SLCO1A2: variants seen among roughly 807,000 people sequenced by gnomAD.
SLCO1A2 encodes the protein OATP-1.
A neutral mutation model predicts 69.0 loss-of-function variants in SLCO1A2; 67 were observed. The observed-to-expected ratio is 0.97, with a 90% CI of 0.80 to 1.19. The LOEUF (loss-of-function observed/expected upper bound fraction) is 1.19. Among genes scored for constraint, SLCO1A2 ranks in the 50% most tolerant of loss-of-function variants. SLCO1A2 has a pLI of 0.00. For synonymous variants in SLCO1A2, 260 were observed against 265.9 expected (o/e 0.98, Z 0.22); for missense variants, 787 against 793.7 (o/e 0.99, Z 0.10).
At chr12:21,378,543 T>A in intron 1 of SLCO1A2, 1 of 832,452 alleles carries the variant, frequency 1.2e-6, no homozygotes, top group Non-Finnish European at 2.0e-6. Flanking sequence ...TGTTTGTTGC[T>A]AGGACATATA....
chr12:21,386,544 A>G (rs1266259743), intron 1 of SLCO1A2, among the ~76,000 whole-genome samples: 1 of 151,928 alleles, frequency 6.6e-6, no homozygotes, highest in Non-Finnish European at 1.5e-5. Flanking sequence ...ATTACCCTGC[A>G]CTTCTCTCTT....
At chr12:21,331,177 T>A (rs940355233) in intron 2 of SLCO1A2, among the ~76,000 whole-genome samples, 4 of 152,074 alleles carry the variant, frequency 2.6e-5, no homozygotes. Flanking sequence ...CCATGACTCT[T>A]GAAACTCCAC....
At chr12:21,298,527 A>G (rs1435239797) in intron 8 of SLCO1A2, among the ~76,000 whole-genome samples, 2 of 152,186 alleles carry the variant, frequency 1.3e-5, no homozygotes, top group African/African-American at 4.8e-5. Context: ...CAAAATTTCA[A>G]TAAATAAACA....
At position 21,289,184 on chromosome 12, in the gene SLCO1A2, C is replaced by CTGTGTGTGTGTGTGTGTGTG. The variant is rs10636619; in HGVS notation, c.1610+2960_1610+2979dup. ...CATTTGTGATGGTAATGGTACCATT[C>CTGTGTGTGTGTGTGTGTGTG]TGTGTGTGTGTGTGTGTGTGTGTGT... On this transcript the variant is annotated intron_variant, in intron 12 of 14. Transcript: ENST00000683939. 3.7e-5 allele frequency among the ~76,000 whole-genome samples: 5 copies of CTGTGTGTGTGTGTGTGTGTG among 136,986 alleles called. No homozygotes were observed. In the South Asian group the frequency reaches 1.3e-3, roughly 35 times the overall value. 89.9% of individuals were successfully genotyped at this position (136,986 alleles called of 152,430 possible).
chr12:21,378,713 G>A (rs1221242710), intron 1 of SLCO1A2: 2 of 293,180 alleles, frequency 6.8e-6, no homozygotes, highest in Non-Finnish European at 6.4e-6. Flanking sequence ...TAAGAACGAA[G>A]GAGAAAAAGG....
rs1177434456 is a variant in SLCO1A2, at chr12:21,295,517, T to G, written c.1271+80A>C. ...CATTAACTCCAATAAGAAAATGATC[T>G]GATCGTGCATTGCCATTGTAAAAAA... On this transcript the variant is annotated intron_variant, in intron 10 of 14. Transcript: ENST00000683939. The G allele has an allele frequency of 3.5e-6, 3 of 856,022 alleles. No homozygotes were observed. In the Admixed American group the frequency reaches 6.8e-5, roughly 19 times the overall value. 53.0% of individuals were successfully genotyped at this position (856,022 alleles called of 1,614,324 possible).
At chr12:21,416,233 C>T (rs1273338026) in intron 1 of SLCO1A2, among the ~76,000 whole-genome samples, 1 of 151,840 alleles carries the variant, frequency 6.6e-6, no homozygotes, top group African/African-American at 2.4e-5. Flanking sequence ...GCTCATTTTA[C>T]CTTGGAAATA....
intron 1 of SLCO1A2, among the ~76,000 whole-genome samples, chr12:21,394,636 G>A (rs980054314): frequency 6.6e-6 from 1 of 151,798 alleles, no homozygotes; most frequent in Non-Finnish European, 1.5e-5. Context: ...ACTGCAGTTA[G>A]AGCAAGCTAT....
chr12:21,395,914 A>C (rs1393012864), upstream of SLCO1A2, among the ~76,000 whole-genome samples: 1 of 151,232 alleles, frequency 6.6e-6, no homozygotes, highest in Non-Finnish European at 1.5e-5. Context: ...AAAACCACAA[A>C]GATGGGGAAA....
chr12:21,332,004 G>A (rs980431475), intron 2 of SLCO1A2, among the ~76,000 whole-genome samples: 10 of 152,138 alleles, frequency 6.6e-5, no homozygotes, highest in Middle Eastern at 3.4e-3. Flanking sequence ...AAAGGTCAGG[G>A]GCACCTCCAC....
At chr12:21,335,412 A>G (rs1952850101), upstream of SLCO1A2, among the ~76,000 whole-genome samples, 1 of 152,074 alleles carries the variant, frequency 6.6e-6, no homozygotes, top group South Asian at 2.1e-4. Flanking sequence ...GTGGAAATAT[A>G]TGTACAGATG....
intron 1 of SLCO1A2, chr12:21,374,576 A>G (rs1489603836): frequency 6.6e-6 from 1 of 152,168 alleles, no homozygotes; most frequent in Non-Finnish European, 1.5e-5. Context: ...TTGTCATTTC[A>G]AGGCTTATTT....
intron 2 of SLCO1A2, among the ~76,000 whole-genome samples, chr12:21,319,768 A>C (rs753298749): frequency 2.0e-5 from 3 of 152,152 alleles, no homozygotes; most frequent in Non-Finnish European, 4.4e-5. Context: ...TAGTTCCAGG[A>C]AACAGTGAGG....
chr12:21,346,067 CTA>C (rs1245468604), intron 2 of SLCO1A2, among the ~76,000 whole-genome samples: 1 of 151,694 alleles, frequency 6.6e-6, no homozygotes, highest in Non-Finnish European at 1.5e-5. Flanking sequence ...AAAATATACT[CTA>C]AACACTACAA....
At chr12:21,397,567 T>C (rs1344257780), upstream of SLCO1A2, among the ~76,000 whole-genome samples, 1 of 152,016 alleles carries the variant, frequency 6.6e-6, no homozygotes, top group Non-Finnish European at 1.5e-5. Context: ...CAACAGAATA[T>C]ACATTTTTTT....
At chr12:21,283,968 T>A (rs1945263782) in intron 12 of SLCO1A2, among the ~76,000 whole-genome samples, 1 of 152,118 alleles carries the variant, frequency 6.6e-6, no homozygotes, top group East Asian at 1.9e-4. Context: ...GGTGGGAATG[T>A]AAATAAGTAC....
rs1372430914 is a variant in SLCO1A2 at position 21,334,677 on chromosome 12, A to C, written c.-30T>G. On this transcript the variant is annotated 5_prime_UTR_variant, in exon 2 of 15. Transcript: ENST00000683939. ...CTCTTCAGGGTGTTCCAAGCTATTTATGTTTTAAATCTTGATATGTCTTAC... is the reference window on the plus strand; with the variant it reads ...CTCTTCAGGGTGTTCCAAGCTATTTCTGTTTTAAATCTTGATATGTCTTAC... 6.3e-7 allele frequency: 1 copy of C among 1,586,680 alleles called. No individual in the cohort carries two copies. The highest frequency in any genetic ancestry group is 1.1e-5 in the South Asian group (1 of 88,064).
intron 10 of SLCO1A2, chr12:21,294,781 C>T (rs1211870877): frequency 6.6e-6 from 1 of 152,130 alleles, no homozygotes; most frequent in Admixed American, 6.5e-5. Context: ...CTGCTTTTAT[C>T]ATTAAATTTC....
At chr12:21,367,850 C>CA (rs1353597085) in intron 2 of SLCO1A2, among the ~76,000 whole-genome samples, 2 of 151,754 alleles carry the variant, frequency 1.3e-5, no homozygotes, top group African/African-American at 4.8e-5. Context: ...AAGTATATTT[C>CA]AAAAAAATGA....
Sources: gnomAD v4.1 joint callset for allele counts (sites outside exome capture counted in the v4.1 genomes callset) on GRCh38, gnomAD v4.1.1 for gene constraint, MANE v1.5 for transcripts, NCBI Gene and HGNC (gene_info 2026-07-23, HGNC 2026-07-21) for gene names.